The following AGBL1 variants were observed in gnomAD, a reference collection of about 807,000 sequenced individuals.
AGBL1 encodes AGBL carboxypeptidase 1.
In AGBL1, 130 loss-of-function variants were observed where a neutral mutation model predicts 118.9. The ratio of observed to expected loss-of-function variants is 1.09; its 90% confidence interval spans 0.95 to 1.26. AGBL1 has a LOEUF of 1.26. Ranked by LOEUF, AGBL1 falls within the 50% of genes most tolerant of loss-of-function variation. AGBL1 has a pLI of 0.00. For missense variants in AGBL1, 1,584 were observed against 1,298.1 expected (o/e 1.22, Z -3.38); for synonymous variants, 555 against 478.9 (o/e 1.16, Z -2.08).
At chr15:86,972,533 T>C (rs1001249405) in intron 23 of AGBL1, among the ~76,000 whole-genome samples, 2 of 152,078 alleles carry the variant, frequency 1.3e-5, no homozygotes, top group Non-Finnish European at 2.9e-5. Flanking sequence ...AAGAATCTTA[T>C]CTATCACACT....
chr15:86,176,453 A>T (rs2077482795), intron 5 of AGBL1, among the ~76,000 whole-genome samples: 1 of 152,226 alleles, frequency 6.6e-6, no homozygotes, highest in Non-Finnish European at 1.5e-5. Flanking sequence ...GGTGGCTCTC[A>T]GGTTCCGGGG....
At chr15:86,951,313 C>T (rs993135759) in intron 23 of AGBL1, among the ~76,000 whole-genome samples, 3 of 152,180 alleles carry the variant, frequency 2.0e-5, no homozygotes, top group African/African-American at 7.2e-5. Context: ...AAGTTTTCAG[C>T]TGTTCTACTC....
At chr15:86,208,562 C>G (rs1406746586) in intron 5 of AGBL1, among the ~76,000 whole-genome samples, 2 of 152,176 alleles carry the variant, frequency 1.3e-5, no homozygotes, top group Non-Finnish European at 2.9e-5. Flanking sequence ...GTGCATATGT[C>G]CAGGAATTTA....
chr15:86,226,787 T>C (rs1317239228), intron 6 of AGBL1, among the ~76,000 whole-genome samples: 3 of 152,184 alleles, frequency 2.0e-5, no homozygotes, highest in African/African-American at 7.2e-5. Context: ...AGATATTGCC[T>C]CCTCTGAAAA....
At chr15:86,401,781 A>G (rs2081449265) in intron 18 of AGBL1, among the ~76,000 whole-genome samples, 1 of 151,792 alleles carries the variant, frequency 6.6e-6, no homozygotes, top group Admixed American at 6.6e-5. Flanking sequence ...TTATTTCTGG[A>G]TATTCTATTT....
At chr15:86,367,857 T>C (rs2080914623) in intron 17 of AGBL1, among the ~76,000 whole-genome samples, 1 of 152,002 alleles carries the variant, frequency 6.6e-6, no homozygotes, top group African/African-American at 2.4e-5. Flanking sequence ...GACCAGAAAT[T>C]TGAAATGTTG....
chr15:86,534,115 A>AT (rs2142225594), intron 19 of AGBL1, among the ~76,000 whole-genome samples: 1 of 146,810 alleles, frequency 6.8e-6, no homozygotes, highest in East Asian at 2.0e-4. Flanking sequence ...AGTATAATAA[A>AT]AAAAAAAAAA....
intron 17 of AGBL1, among the ~76,000 whole-genome samples, chr15:86,339,080 A>T (rs1567206648): frequency 6.6e-6 from 1 of 152,124 alleles, no homozygotes; most frequent in East Asian, 1.9e-4. Flanking sequence ...TAGATAATAC[A>T]TTGCTTTATG....
intron 21 of AGBL1, among the ~76,000 whole-genome samples, chr15:86,637,727 AG>A (rs1293373161): frequency 1.3e-5 from 2 of 152,148 alleles, no homozygotes; most frequent in Non-Finnish European, 2.9e-5. Context: ...TTTTGCAGGT[AG>A]AATCAACAAG....
intron 23 of AGBL1, among the ~76,000 whole-genome samples, chr15:86,965,418 C>A (rs531621257): frequency 1.3e-5 from 2 of 152,066 alleles, no homozygotes; most frequent in South Asian, 4.2e-4. Flanking sequence ...GTTTGTTGGC[C>A]GCATAAATGT....
intron 18 of AGBL1, among the ~76,000 whole-genome samples, chr15:86,410,716 A>AT (rs1284039661): frequency 7.0e-6 from 1 of 142,902 alleles, no homozygotes; most frequent in African/African-American, 2.6e-5. Context: ...CCTGCTTTTC[A>AT]TTTTTTAGTT....
rs1191034477 is a variant in AGBL1 at position 86,615,786 on chromosome 15, C to A, written c.2995-58487C>A. On this transcript the variant is annotated intron_variant, in intron 21 of 22. Coordinates refer to ENST00000614907, the MANE Select transcript of AGBL1 (RefSeq NM_001386094.1). This position sits in a 1 kb window ranked among gnomAD's most constrained non-coding sequence, Gnocchi z 4.3. Reference sequence around the variant, plus strand: ...GTTAAAAAATAGATTTAAAAGTCAACAACATATATAAAAGTTCTGGAAGCA... The same window carrying A: ...GTTAAAAAATAGATTTAAAAGTCAAAAACATATATAAAAGTTCTGGAAGCA... Among the ~76,000 whole-genome samples the A allele has an allele frequency of 6.6e-6, 1 of 151,962 alleles. No homozygotes were observed. The highest frequency in any genetic ancestry group is 1.9e-4 in the East Asian group (1 of 5,178).
chr15:86,089,205 G>C (rs118167400), intron 1 of AGBL1, among the ~76,000 whole-genome samples: 1 of 152,252 alleles, frequency 6.6e-6, no homozygotes, highest in Non-Finnish European at 1.5e-5. Flanking sequence ...GCTTGTGACT[G>C]TTGACTTTCT....
chr15:86,351,011 G>A (rs1334708123), intron 17 of AGBL1, among the ~76,000 whole-genome samples: 1 of 152,220 alleles, frequency 6.6e-6, no homozygotes, highest in Non-Finnish European at 1.5e-5. Flanking sequence ...GTGAGGAAAA[G>A]CCTGTCTTAA....
At chr15:86,696,186 T>C (rs966445173) in intron 22 of AGBL1, among the ~76,000 whole-genome samples, 1 of 152,020 alleles carries the variant, frequency 6.6e-6, no homozygotes, top group Non-Finnish European at 1.5e-5. Context: ...AGTATTGAAC[T>C]TCCCCACTAT....
intron 1 of AGBL1, among the ~76,000 whole-genome samples, chr15:86,097,875 G>GT (rs1369113958): frequency 2.6e-5 from 4 of 152,108 alleles, no homozygotes; most frequent in Middle Eastern, 3.4e-3. Flanking sequence ...TCTATTTTTA[G>GT]TTTTTTTAGA....
At chr15:86,643,756 A>G (rs1375890854) in intron 21 of AGBL1, among the ~76,000 whole-genome samples, 1 of 152,130 alleles carries the variant, frequency 6.6e-6, no homozygotes, top group African/African-American at 2.4e-5. Flanking sequence ...TTTAAGAATA[A>G]AAGTTATTTA....
Position 86,264,398 on chromosome 15 carries a change from T to C in AGBL1, c.1227T>C (p.Tyr409=), listed in dbSNP as rs1477593546. ...DQSSCGQERE[Y]AVQTSLLCRV... ...GCTCCTGTGGGCAAGAAAGAGAATA[T>C]GCTGTCCAGACTTCCCTTCTGTGCA... Residue 409 remains tyrosine, a synonymous_variant, in exon 11 of 23, where the codon TAT becomes TAC. Transcript: ENST00000614907. 3 of 1,613,830 alleles carry C rather than the reference T, an allele frequency of 1.9e-6. No homozygotes were observed. Among genetic ancestry groups the C allele is most frequent in the Non-Finnish European group, 2.5e-6 (3 of 1,179,878 alleles).
chr15:86,297,303 A>T (rs1046105630), intron 17 of AGBL1, among the ~76,000 whole-genome samples: 2 of 152,188 alleles, frequency 1.3e-5, no homozygotes, highest in Admixed American at 1.3e-4. Context: ...GCAAATGACA[A>T]TCATTGAGCT....
Sources: gnomAD v4.1 joint callset for allele counts (sites outside exome capture counted in the v4.1 genomes callset) on GRCh38, gnomAD v4.1.1 for gene constraint, Gnocchi (gnomAD v3.1) non-coding constraint, MANE v1.5 for transcripts, NCBI Gene and HGNC (gene_info 2026-07-23, HGNC 2026-07-21) for gene names.